Variants in MSH5 observed in about 807,000 individuals in gnomAD.
MSH5 encodes mutS protein homolog 5.
MSH5 carries 78 observed loss-of-function variants against 107.7 expected under a neutral mutation model. That is an observed-to-expected ratio of 0.72 (90% CI 0.60 to 0.87). The LOEUF is 0.87. Among genes scored for constraint, MSH5 ranks in the 40% least tolerant of loss-of-function variants. The pLI is 0.00. For synonymous variants in MSH5, 326 were observed against 399.5 expected, an observed-to-expected ratio of 0.82 and a Z score of 2.19; for missense variants, 889 against 1,046.6, an observed-to-expected ratio of 0.85 and a Z score of 2.08.
chr6:31,743,275 C>T, intron 5 of MSH5, 105 bp downstream of exon 5: 3 of 1,268,282 alleles, frequency 2.4e-6, no homozygotes, highest in Non-Finnish European at 3.4e-6. Flanking sequence ...TTATGTCATC[C>T]TAAACCTTTG....
At chr6:31,750,987 G>A (rs1809903014) in intron 10 of MSH5, among the ~76,000 whole-genome samples, 1 of 152,122 alleles carries the variant, frequency 6.6e-6, no homozygotes, top group African/African-American at 2.4e-5. Context: ...ATTTATTTCT[G>A]TATATGAATT....
At chr6:31,750,730 C>G (rs1387543700) in intron 10 of MSH5, among the ~76,000 whole-genome samples, 1 of 152,210 alleles carries the variant, frequency 6.6e-6, no homozygotes, top group Non-Finnish European at 1.5e-5. Context: ...TTGAAGCCAT[C>G]TGGATGCTCC....
chr6:31,753,143 T>C, intron 10 of MSH5, 158 bp from the exon 11 acceptor site: 1 of 869,568 alleles, frequency 1.2e-6, no homozygotes. Context: ...TAAACACACC[T>C]GAATGGGTAG....
rs1311620079 is a variant in MSH5, at chr6:31,760,606, T to C, written c.1813-84T>C. On this transcript the variant is annotated intron_variant, in intron 19 of 24. Transcript: ENST00000375750. This position sits in a 1 kb window ranked among gnomAD's most constrained non-coding sequence, Gnocchi z 5.6. ...CCTGTTTCACCCTGTCCATTTCTCT[T>C]TGATGTGCCATTCATGCCTTGAGCC... 11 of 1,551,910 alleles carry C rather than the reference T, an allele frequency of 7.1e-6. No individual in the cohort carries two copies. In the African/African-American group the frequency reaches 8.2e-5, roughly 11 times the overall value.
intron 12 of MSH5, chr6:31,757,680 T>G: frequency 6.2e-6 from 1 of 161,582 alleles, no homozygotes; most frequent in Non-Finnish European, 1.3e-5. Flanking sequence ...TTTTTGTTTA[T>G]TTGTTTTGTT....
chr6:31,762,382 A>G (rs756264365), intron 24 of MSH5, 38 bp from the exon 25 acceptor site: 23 of 1,502,246 alleles, frequency 1.5e-5, no homozygotes, highest in African/African-American at 2.8e-5. Flanking sequence ...TTGGTTGTCC[A>G]TTCTGCCATA....
chr6:31,759,382 A>G lies in MSH5; in HGVS notation c.1408-43A>G. On this transcript the variant is annotated intron_variant, in intron 16 of 24. Transcript: ENST00000375750. This position sits in a 1 kb window ranked among gnomAD's most constrained non-coding sequence, Gnocchi z 4.7. Reference sequence around the variant, plus strand: ...TAGAAAGATGGGGAAGGAGAGGAGGACCAAGAGATGCAAAGTCCACAGCTT... The same window carrying G: ...TAGAAAGATGGGGAAGGAGAGGAGGGCCAAGAGATGCAAAGTCCACAGCTT... The G allele has an allele frequency of 1.9e-6, 3 of 1,594,878 alleles. No individual in the cohort carries two copies. The highest frequency in any genetic ancestry group is 1.7e-6 in the Non-Finnish European group (2 of 1,164,324).
intron 9 of MSH5, 60 bp from the exon 10 acceptor site, chr6:31,747,327 C>A: frequency 6.3e-7 from 1 of 1,578,564 alleles, no homozygotes; most frequent in Non-Finnish European, 8.7e-7. Flanking sequence ...GACACATAAA[C>A]ACATTCCATT....
At position 31,759,184 on chromosome 6, in the gene MSH5, C is replaced by T. The variant is rs774521778; in HGVS notation, c.1407+7C>T. The T allele has an allele frequency of 2.5e-6, 4 of 1,611,244 alleles. No homozygotes were observed. Among genetic ancestry groups the T allele is most frequent in the Non-Finnish European group, 1.7e-6 (2 of 1,178,524 alleles). On this transcript the variant is annotated splice_region_variant and intron_variant, in intron 16 of 24. Transcript: ENST00000375750. The surrounding 1 kb of genome is among the most constrained non-coding windows in gnomAD (Gnocchi z 4.7). The stretch of plus-strand genomic sequence containing the variant: ...TAATGGACTGGACTTCATGGTAAGA[C>T]CCTCAACCTCTGTAAGGTGAGTGAT...
Position 31,761,702 on chromosome 6 carries a change from T to C in MSH5, c.2181+87T>C, listed in dbSNP as rs1223285039. On this transcript the variant is annotated intron_variant, in intron 22 of 24. Transcript: ENST00000375750. This position sits in a 1 kb window ranked among gnomAD's most constrained non-coding sequence, Gnocchi z 5.3. ...TTGGCTCCTCTATCAGAACAAGGGC[T>C]CCCTCAGCACAGAGACCACATCCCT... is the stretch of plus-strand genomic sequence containing the variant. 3 of 1,612,564 alleles carry C rather than the reference T, an allele frequency of 1.9e-6. No homozygotes were observed. The highest frequency in any genetic ancestry group is 2.5e-6 in the Non-Finnish European group (3 of 1,179,438).
intron 10 of MSH5, among the ~76,000 whole-genome samples, chr6:31,747,995 T>G (rs1322081500): frequency 1.3e-5 from 1 of 77,144 alleles, no homozygotes; most frequent in East Asian, 3.1e-4. Context: ...AGAGTGAGAC[T>G]CCGTCTCAAA....
chr6:31,759,014 C>A lies in MSH5; in HGVS notation c.1327-83C>A. 1 of 1,456,244 alleles carries A rather than the reference C, an allele frequency of 6.9e-7. No homozygotes were observed. Among genetic ancestry groups the A allele is most frequent in the African/African-American group, 1.4e-5 (1 of 71,622 alleles). 90.2% of individuals were successfully genotyped at this position (1,456,244 alleles called of 1,614,324 possible). On this transcript the variant is annotated intron_variant, in intron 15 of 24. Transcript: ENST00000375750. The surrounding 1 kb of genome is among the most constrained non-coding windows in gnomAD (Gnocchi z 4.7). ...CACTTTTTTGTGGGGATACAGGGAT[C>A]TTTTAAGCTCCCTCTAGGGTGGGGA... is the stretch of plus-strand genomic sequence containing the variant.
chr6:31,758,386 A>G lies in MSH5; in HGVS notation c.1143+93A>G, dbSNP rs116691951. On this transcript the variant is annotated intron_variant, in intron 13 of 24. Transcript: ENST00000375750. The surrounding 1 kb of genome is among the most constrained non-coding windows in gnomAD (Gnocchi z 5.1). The stretch of plus-strand genomic sequence containing the variant: ...GGAAACATGGAAGATATTGAGGTCA[A>G]TTGGATAAAGAATGGGATGGTGGGA... 1.5e-3 allele frequency: 2,376 copies of G among 1,581,792 alleles called. 8 individuals carry two copies. The highest frequency in any genetic ancestry group is 4.2e-3 in the South Asian group (370 of 88,084).
intron 10 of MSH5, among the ~76,000 whole-genome samples, chr6:31,751,971 C>T (rs1292222457): frequency 2.0e-5 from 3 of 151,588 alleles, no homozygotes; most frequent in Admixed American, 1.3e-4. Flanking sequence ...TGGTGGCACA[C>T]ACCTGTAGTT....
At chr6:31,745,429 T>C (rs1329540193) in intron 9 of MSH5, 110 bp downstream of exon 9, 4 of 751,982 alleles carry the variant, frequency 5.3e-6, no homozygotes, top group Non-Finnish European at 9.0e-6. Context: ...TTGTCAGATA[T>C]CTCTTTCATG....
intron 10 of MSH5, among the ~76,000 whole-genome samples, chr6:31,750,354 G>A (rs1809839705): frequency 6.6e-6 from 1 of 152,148 alleles, no homozygotes; most frequent in South Asian, 2.1e-4. Flanking sequence ...GATTGCTTGA[G>A]GCCAGGAGTT....
rs544260005 is a variant in MSH5, at chr6:31,762,612, C to G, written c.*81C>G. On this transcript the variant is annotated 3_prime_UTR_variant, in exon 25 of 25. Transcript: ENST00000375750. ...TCTTTGTTTCCTTATCTCCCTCAGA[C>G]GCAGAGTTTTTAGTTTCTCTAGAAA... 2.4e-6 allele frequency: 2 copies of G among 819,082 alleles called. No individual in the cohort carries two copies. Among genetic ancestry groups the G allele is most frequent in the African/African-American group, 3.5e-5 (2 of 57,788 alleles). 50.7% of individuals were successfully genotyped at this position (819,082 alleles called of 1,614,324 possible).
intron 10 of MSH5, among the ~76,000 whole-genome samples, chr6:31,752,014 A>C (rs1809999797): frequency 6.6e-6 from 1 of 151,666 alleles, no homozygotes; most frequent in South Asian, 2.1e-4. Context: ...CAGGAGAATC[A>C]CTTAAGCCTG....
rs1810714421 is a variant in MSH5 at position 31,759,007 on chromosome 6, C to G, written c.1327-90C>G. ...ACATGAACACTTTTTTGTGGGGATA[C>G]AGGGATCTTTTAAGCTCCCTCTAGG... is the stretch of plus-strand genomic sequence containing the variant. On this transcript the variant is annotated intron_variant, in intron 15 of 24. Coordinates refer to ENST00000375750, the MANE Select transcript of MSH5 (RefSeq NM_172166.4). This position sits in a 1 kb window ranked among gnomAD's most constrained non-coding sequence, Gnocchi z 4.7. The G allele has an allele frequency of 7.1e-7, 1 of 1,417,774 alleles. No individual in the cohort carries two copies. The highest frequency in any genetic ancestry group is 1.7e-5 in the Admixed American group (1 of 59,516). The allele number at this position is 1,417,774 out of a possible 1,614,324, so 87.8% of individuals were successfully genotyped here.
Sources: gnomAD v4.1 joint callset for allele counts (sites outside exome capture counted in the v4.1 genomes callset) on GRCh38, gnomAD v4.1.1 for gene constraint, Gnocchi (gnomAD v3.1) non-coding constraint, MANE v1.5 for transcripts, NCBI Gene and HGNC (gene_info 2026-07-23, HGNC 2026-07-21) for gene names.